The following SUGCT variants were observed in gnomAD, a reference collection of about 807,000 sequenced individuals.
The protein encoded by SUGCT is succinyl-CoA:glutarate CoA-transferase.
In SUGCT, 41 loss-of-function variants were observed where a neutral mutation model predicts 55.0. The observed-to-expected ratio is 0.74, with a 90% confidence interval of 0.58 to 0.97. The LOEUF (loss-of-function observed/expected upper bound fraction) is 0.97. SUGCT is among the 50% of genes least tolerant of loss of function. The pLI, the probability that SUGCT is intolerant of heterozygous loss-of-function variation, is 0.00. For missense variants in SUGCT, 568 were observed against 547.8 expected, an observed-to-expected ratio of 1.04 and a Z score of -0.37; for synonymous variants, 187 against 200.4, an observed-to-expected ratio of 0.93 and a Z score of 0.56.
chr7:40,981,396 T>C, the SUGCT span, among the ~76,000 whole-genome samples: 1 of 152,320 alleles, frequency 6.6e-6, no homozygotes, highest in East Asian at 1.9e-4. Context: ...TTTGCTGGTA[T>C]AATCTCATCT....
intron 12 of SUGCT, among the ~76,000 whole-genome samples, chr7:40,654,110 A>G (rs1800905770): frequency 6.6e-6 from 1 of 152,152 alleles, no homozygotes; most frequent in Non-Finnish European, 1.5e-5. Context: ...TCTCACAAAC[A>G]CTGAATAGCA....
intron 13 of SUGCT, among the ~76,000 whole-genome samples, chr7:40,818,405 C>A (rs73125791): frequency 6.6e-6 from 1 of 152,124 alleles, no homozygotes; most frequent in Non-Finnish European, 1.5e-5. Flanking sequence ...TTGCCTCACC[C>A]CCCTGGGGCC....
chr7:40,450,231 T>C (rs1385102441), intron 10 of SUGCT, among the ~76,000 whole-genome samples: 2 of 152,074 alleles, frequency 1.3e-5, no homozygotes, highest in Non-Finnish European at 2.9e-5. Flanking sequence ...CCCGGCCTAC[T>C]AGACTTTTTT....
chr7:40,659,491 C>G (rs142725652), intron 12 of SUGCT, among the ~76,000 whole-genome samples: 1 of 152,298 alleles, frequency 6.6e-6, no homozygotes, highest in Non-Finnish European at 1.5e-5. Context: ...AAGGCAAAAG[C>G]TGCATGTGTT....
intron 1 of SUGCT, among the ~76,000 whole-genome samples, chr7:40,138,069 G>A (rs1473263972): frequency 2.0e-5 from 3 of 152,080 alleles, no homozygotes; most frequent in Non-Finnish European, 4.4e-5. Flanking sequence ...TGAAGTCAGG[G>A]CCTTCAGTGC....
At chr7:40,254,044 A>C (rs1034806166) in intron 7 of SUGCT, among the ~76,000 whole-genome samples, 11 of 152,198 alleles carry the variant, frequency 7.2e-5, no homozygotes, top group African/African-American at 2.7e-4. Context: ...AGCTCATATG[A>C]TATTTCATTC....
intron 8 of SUGCT, among the ~76,000 whole-genome samples, chr7:40,291,578 C>A (rs1201926285): frequency 2.6e-5 from 4 of 151,314 alleles, no homozygotes; most frequent in Admixed American, 2.0e-4. Flanking sequence ...ATGGGTGCAG[C>A]ACACCAACAT....
At chr7:40,603,607 C>A (rs943495142) in intron 12 of SUGCT, among the ~76,000 whole-genome samples, 1 of 152,052 alleles carries the variant, frequency 6.6e-6, no homozygotes. Context: ...TGGTTCTCAG[C>A]CTTATGGTCT....
At chr7:40,680,240 G>A (rs1055341067) in intron 12 of SUGCT, among the ~76,000 whole-genome samples, 4 of 152,112 alleles carry the variant, frequency 2.6e-5, no homozygotes, top group African/African-American at 7.2e-5. Flanking sequence ...AAAAATCGAA[G>A]TCAGCTGTTT....
At chr7:40,776,413 A>G (rs1789455935) in intron 13 of SUGCT, among the ~76,000 whole-genome samples, 1 of 152,192 alleles carries the variant, frequency 6.6e-6, no homozygotes, top group East Asian at 1.9e-4. Context: ...AACTGATTAC[A>G]TCACTATTTG....
In SUGCT at chr7:40,780,452, C is replaced by T. The variant is rs186742445; in HGVS notation, c.1153+30955C>T. ...TTTTCAAAAACTGTAAGCAGACATA[C>T]AGAAATCCCAGCAGTTACCCATATC... On this transcript the variant is annotated intron_variant, in intron 13 of 13. Transcript: ENST00000335693. 1.1e-4 allele frequency among the ~76,000 whole-genome samples: 17 copies of T among 152,246 alleles called. No homozygotes were observed. In the East Asian group the frequency reaches 2.7e-3, roughly 24 times the overall value.
At chr7:40,144,257 A>G (rs1280156365) in intron 1 of SUGCT, among the ~76,000 whole-genome samples, 1 of 152,252 alleles carries the variant, frequency 6.6e-6, no homozygotes, top group Non-Finnish European at 1.5e-5. Flanking sequence ...CAAGGCAAGC[A>G]TCAAATGCAA....
At chr7:40,854,718 G>A (rs778869619) in intron 13 of SUGCT, among the ~76,000 whole-genome samples, 2 of 151,874 alleles carry the variant, frequency 1.3e-5, no homozygotes, top group South Asian at 2.1e-4. Flanking sequence ...GAGGTAGGAC[G>A]ATGAGGCCAG....
intron 13 of SUGCT, among the ~76,000 whole-genome samples, chr7:40,810,025 A>T: frequency 6.6e-6 from 1 of 152,214 alleles, no homozygotes; most frequent in East Asian, 1.9e-4. Context: ...GATCTAATCC[A>T]TCTTTCATAG....
At chr7:40,940,543 T>C in the SUGCT span, among the ~76,000 whole-genome samples, 1 of 152,134 alleles carries the variant, frequency 6.6e-6, no homozygotes, top group Admixed American at 6.5e-5. Context: ...GATTTTATCA[T>C]CTATGATTTC....
intron 11 of SUGCT, among the ~76,000 whole-genome samples, chr7:40,465,394 G>A (rs1790046838): frequency 6.6e-6 from 1 of 152,134 alleles, no homozygotes; most frequent in Non-Finnish European, 1.5e-5. Flanking sequence ...CAGATCACCT[G>A]AGGTCAGGAG....
chr7:40,908,894 G>C, the SUGCT span, among the ~76,000 whole-genome samples: 1 of 152,090 alleles, frequency 6.6e-6, no homozygotes, highest in Non-Finnish European at 1.5e-5. Flanking sequence ...GTGTACATGC[G>C]CTTTTCTGTA....
At chr7:40,918,045 G>A in the SUGCT span, among the ~76,000 whole-genome samples, 9 of 152,286 alleles carry the variant, frequency 5.9e-5, no homozygotes, top group Non-Finnish European at 7.4e-5. Context: ...CCCAGTTAGA[G>A]GATCACTACA....
chr7:40,504,644 G>A (rs1252721073), intron 12 of SUGCT, among the ~76,000 whole-genome samples: 1 of 152,068 alleles, frequency 6.6e-6, no homozygotes, highest in Non-Finnish European at 1.5e-5. Context: ...ATGTTGGCCA[G>A]GCTGGTCTCG....
Sources: gnomAD v4.1 joint callset for allele counts (sites outside exome capture counted in the v4.1 genomes callset) on GRCh38, gnomAD v4.1.1 for gene constraint, MANE v1.5 for transcripts, NCBI Gene and HGNC (gene_info 2026-07-23, HGNC 2026-07-21) for gene names.